Variants in ZSWIM6 observed in about 807,000 individuals in gnomAD.
ZSWIM6 encodes zinc finger SWIM domain-containing protein 6.
Under a neutral mutation model 113.2 loss-of-function variants are expected in ZSWIM6, and 9 were observed. The ratio of observed to expected loss-of-function variants is 0.08; its 90% confidence interval spans 0.05 to 0.14. The LOEUF (loss-of-function observed/expected upper bound fraction) is 0.14. ZSWIM6 is among the 10% of genes least tolerant of loss of function. The pLI, the probability that ZSWIM6 is intolerant of heterozygous loss-of-function variation, is 1.00. For synonymous variants in ZSWIM6, 611 were observed against 606.5 expected, an observed-to-expected ratio of 1.01 and a Z score of -0.11; for missense variants, 1,162 against 1,552.2, an observed-to-expected ratio of 0.75 and a Z score of 4.22.
chr5:61,484,486 T>C (rs1347439299), intron 2 of ZSWIM6, among the ~76,000 whole-genome samples: 1 of 152,144 alleles, frequency 6.6e-6, no homozygotes, highest in African/African-American at 2.4e-5. Context: ...AAGGAGGACG[T>C]TGGGAAGAAT....
At chr5:61,471,083 T>G (rs1747559227) in intron 1 of ZSWIM6, among the ~76,000 whole-genome samples, 3 of 152,146 alleles carry the variant, frequency 2.0e-5, no homozygotes, top group Admixed American at 2.0e-4. Context: ...TCTTTGTGAA[T>G]GAAGGGGAAC....
At chr5:61,351,494 A>G (rs1045199699) in intron 1 of ZSWIM6, among the ~76,000 whole-genome samples, 1 of 152,272 alleles carries the variant, frequency 6.6e-6, no homozygotes, top group African/African-American at 2.4e-5. Context: ...TCATTAATAA[A>G]TGAAGAGAGT....
At chr5:61,445,647 A>G (rs1580000282) in intron 1 of ZSWIM6, among the ~76,000 whole-genome samples, 4 of 152,252 alleles carry the variant, frequency 2.6e-5, no homozygotes, top group Admixed American at 2.6e-4. Flanking sequence ...AGGAAACAAA[A>G]TGACTATTTA....
intron 1 of ZSWIM6, among the ~76,000 whole-genome samples, chr5:61,422,287 A>AT (rs769398601): frequency 8.5e-5 from 13 of 152,232 alleles, no homozygotes; most frequent in Middle Eastern, 6.8e-3. Context: ...TTGCATATGG[A>AT]TATCTAATTT....
At chr5:61,387,916 G>C (rs1040306760) in intron 1 of ZSWIM6, among the ~76,000 whole-genome samples, 17 of 147,826 alleles carry the variant, frequency 1.2e-4, no homozygotes, top group Non-Finnish European at 1.8e-4. Context: ...CTCTTTGAGG[G>C]GGGGAGAAAA....
chr5:61,518,159 G>A (rs1207535275), intron 4 of ZSWIM6, among the ~76,000 whole-genome samples: 1 of 151,862 alleles, frequency 6.6e-6, no homozygotes, highest in East Asian at 1.9e-4. Context: ...TGGTGTATAT[G>A]TGCCACATTT....
intron 1 of ZSWIM6, among the ~76,000 whole-genome samples, chr5:61,359,878 T>C (rs1442245795): frequency 1.3e-5 from 2 of 151,976 alleles, no homozygotes; most frequent in East Asian, 3.8e-4. Context: ...TACCATTAGA[T>C]AGATGTTTTC....
chr5:61,447,124 T>C (rs1746971556), intron 1 of ZSWIM6, among the ~76,000 whole-genome samples: 1 of 152,106 alleles, frequency 6.6e-6, no homozygotes, highest in Non-Finnish European at 1.5e-5. Flanking sequence ...CAACCCTGCT[T>C]AGAACAGCAG....
rs764433036 is a variant in ZSWIM6 at position 61,332,463 on chromosome 5, G to T, written c.191G>T (p.Gly64Val). 2 of 1,113,918 alleles carry T rather than the reference G, an allele frequency of 1.8e-6. No homozygotes were observed. Among genetic ancestry groups the T allele is most frequent in the South Asian group, 2.3e-5 (1 of 44,218 alleles). 69.0% of individuals were successfully genotyped at this position (1,113,918 alleles called of 1,614,324 possible). The change falls in exon 1 of 14, where the codon GGG becomes GTG. Residue 64 changes from glycine (G) to valine (V), a missense_variant. Around this residue, in one of 4 missense-constraint regions of ZSWIM6, gnomAD observed 333 missense variants for 293.4 expected, o/e 1.13. Transcript: ENST00000252744. Reference sequence around the variant, plus strand: ...GCGTGCGGGGGCGGCGCGGCGCTGGGGTTGCTGCCGCCGGGCAAGACCCAG... The same window carrying T: ...GCGTGCGGGGGCGGCGCGGCGCTGGTGTTGCTGCCGCCGGGCAAGACCCAG... ...AAACGGGAAL[G>V]LLPPGKTQSP...
intron 1 of ZSWIM6, among the ~76,000 whole-genome samples, chr5:61,397,215 A>G (rs1191797046): frequency 6.6e-6 from 1 of 152,226 alleles, no homozygotes; most frequent in Non-Finnish European, 1.5e-5. Context: ...TCCGCCAAAA[A>G]CATTATCCCA....
At chr5:61,514,419 G>A (rs1748878196) in intron 4 of ZSWIM6, among the ~76,000 whole-genome samples, 1 of 151,990 alleles carries the variant, frequency 6.6e-6, no homozygotes, top group African/African-American at 2.4e-5. Context: ...ATGCTGAATA[G>A]AAGTGGTAAG....
chr5:61,384,600 T>C (rs1337935388), intron 1 of ZSWIM6, among the ~76,000 whole-genome samples: 1 of 152,208 alleles, frequency 6.6e-6, no homozygotes, highest in Non-Finnish European at 1.5e-5. Context: ...GATTATTGTT[T>C]CTGTTTGCTT....
chr5:61,475,061 C>T (rs1747675176), intron 2 of ZSWIM6, among the ~76,000 whole-genome samples: 1 of 152,178 alleles, frequency 6.6e-6, no homozygotes, highest in Admixed American at 6.5e-5. Context: ...TATCATCTGC[C>T]TCAAATCTTG....
At position 61,359,296 on chromosome 5, in the gene ZSWIM6, T is replaced by G. The variant is rs112802237; in HGVS notation, c.676+26348T>G. ...GAGACAGGTATAGTGAGAACTACTG[T>G]TAAGAAAGAAGGCAGGGGTTCAGGA... On this transcript the variant is annotated intron_variant, in intron 1 of 13. Coordinates refer to ENST00000252744, the MANE Select transcript of ZSWIM6 (RefSeq NM_020928.2). Among the ~76,000 whole-genome samples, 27 of 152,186 alleles carry G rather than the reference T, an allele frequency of 1.8e-4. 2 individuals are homozygous for G. Among genetic ancestry groups the G allele is most frequent in the African/African-American group, 6.5e-4 (27 of 41,510 alleles).
At chr5:61,356,744 T>TA (rs1423936735) in intron 1 of ZSWIM6, among the ~76,000 whole-genome samples, 3 of 137,650 alleles carry the variant, frequency 2.2e-5, no homozygotes, top group Non-Finnish European at 3.1e-5. Context: ...ATATATTATA[T>TA]ATATATATTA....
At chr5:61,386,489 G>A (rs1464039304) in intron 1 of ZSWIM6, among the ~76,000 whole-genome samples, 2 of 152,090 alleles carry the variant, frequency 1.3e-5, no homozygotes, top group Non-Finnish European at 2.9e-5. Context: ...TGCAACAAAT[G>A]GTGAAACTCC....
chr5:61,333,702 C>T (rs542409874), intron 1 of ZSWIM6, among the ~76,000 whole-genome samples: 52 of 152,220 alleles, frequency 3.4e-4, no homozygotes, highest in African/African-American at 1.2e-3. Context: ...CCGTAGGACG[C>T]TTACTAATTA....
chr5:61,496,253 AC>A (rs1275266210), intron 4 of ZSWIM6, among the ~76,000 whole-genome samples: 1 of 151,962 alleles, frequency 6.6e-6, no homozygotes, highest in East Asian at 1.9e-4. Flanking sequence ...TGTGCCCCCC[AC>A]CCACTGCCCA....
At chr5:61,435,592 T>C (rs913026429) in intron 1 of ZSWIM6, among the ~76,000 whole-genome samples, 4 of 152,240 alleles carry the variant, frequency 2.6e-5, no homozygotes, top group Non-Finnish European at 4.4e-5. Context: ...TGTTCCAAAT[T>C]GCTGTCAGAC....
Sources: gnomAD v4.1 joint callset for allele counts (sites outside exome capture counted in the v4.1 genomes callset) on GRCh38, gnomAD v4.1.1 for gene constraint, gnomAD v4.1.1 regional missense constraint, MANE v1.5 for transcripts, NCBI Gene and HGNC (gene_info 2026-07-23, HGNC 2026-07-21) for gene names.